VWA5B1: variants seen among roughly 807,000 people sequenced by gnomAD.
The protein encoded by VWA5B1 is von Willebrand factor A domain-containing protein 5B1.
VWA5B1 carries 115 observed loss-of-function variants against 118.2 expected under a neutral mutation model. That is an observed-to-expected ratio of 0.97 (90% CI 0.84 to 1.14). VWA5B1 has a LOEUF of 1.14. Ranked by LOEUF, VWA5B1 falls within the 50% of genes most tolerant of loss-of-function variation. The pLI is 0.00. For synonymous variants in VWA5B1, 682 were observed against 658.4 expected (o/e 1.04, Z -0.55); for missense variants, 1,596 against 1,603.8 (o/e 1.00, Z 0.08).
intron 13 of VWA5B1, among the ~76,000 whole-genome samples, chr1:20,336,937 G>A (rs1245373878): frequency 6.6e-6 from 1 of 152,110 alleles, no homozygotes; most frequent in African/African-American, 2.4e-5. Flanking sequence ...GGAATCCCAG[G>A]AGAAATGAGC....
Position 20,358,473 on chromosome 1 carries a change from CTG to C in VWA5B1, c.*4214_*4215del, listed in dbSNP as rs2090266619. ...AAGGAGGAAAGGGGGTCTCCCCTATCTGTGTACAGTCTGCCCCCCCACCCTGC... is the reference window on the plus strand; with the variant it reads ...AAGGAGGAAAGGGGGTCTCCCCTATCTGTACAGTCTGCCCCCCCACCCTGC... On this transcript the variant is annotated 3_prime_UTR_variant, in exon 22 of 22. Coordinates refer to ENST00000289815, the MANE Select transcript of VWA5B1 (RefSeq NM_001039500.3). Among the ~76,000 whole-genome samples the C allele has an allele frequency of 1.3e-5, 2 of 152,166 alleles. No individual in the cohort carries two copies. Among genetic ancestry groups the C allele is most frequent in the South Asian group, 4.1e-4 (2 of 4,828 alleles).
Position 20,310,745 on chromosome 1 carries a change from G to A in VWA5B1, c.139+5G>A. On this transcript the variant is annotated splice_donor_5th_base_variant and intron_variant, in intron 2 of 21. Transcript: ENST00000289815. ...TGGAAGCCCAGCCCTTCCAGGGTAA[G>A]GACACCTGCTGGGGCCTCCCCGGGA... 3.2e-6 allele frequency: 5 copies of A among 1,540,568 alleles called. No individual in the cohort carries two copies. The highest frequency in any genetic ancestry group is 4.4e-6 in the Non-Finnish European group (5 of 1,142,852).
chr1:20,328,473 T>A (rs1243980762), intron 9 of VWA5B1, among the ~76,000 whole-genome samples: 1 of 151,956 alleles, frequency 6.6e-6, no homozygotes, highest in African/African-American at 2.4e-5. Flanking sequence ...ACAAGAAGGC[T>A]GTGGCCCCAG....
intron 9 of VWA5B1, 68 bp downstream of exon 9, chr1:20,328,068 G>A: frequency 6.8e-7 from 1 of 1,460,514 alleles, no homozygotes; most frequent in East Asian, 2.5e-5. Context: ...AGGAGGGAAA[G>A]GGGAAAAAAT....
chr1:20,350,947 A>C (rs1218806182), intron 20 of VWA5B1, 21 bp downstream of exon 20: 32 of 1,550,454 alleles, frequency 2.1e-5, no homozygotes, highest in Non-Finnish European at 2.7e-5. Context: ...TTTCCAATAA[A>C]GGTACACTCT....
chr1:20,342,524 G>C lies in VWA5B1; in HGVS notation c.2226G>C (p.Gln742His), dbSNP rs1016215723. The C allele has an allele frequency of 1.3e-6, 2 of 1,549,506 alleles. No homozygotes were observed. The change falls in exon 15 of 22, where the codon CAG becomes CAC. Residue 742 changes from glutamine (Q) to histidine (H), a missense_variant. Transcript: ENST00000289815. ...RRPSLLPQGCQPFLPWGQETQ... is the reference protein window; with the variant it reads ...RRPSLLPQGCHPFLPWGQETQ... ...CCTCTCTGCTGCCCCAAGGCTGCCA[G>C]CCCTTCCTGCCCTGGGGCCAGGAGA...
chr1:20,346,885 T>C (rs2090018379), intron 17 of VWA5B1, among the ~76,000 whole-genome samples: 1 of 152,236 alleles, frequency 6.6e-6, no homozygotes, highest in African/African-American at 2.4e-5. Flanking sequence ...CCCCTTTTCT[T>C]ATCTGTGGTA....
At chr1:20,343,735 T>C (rs1398999103) in intron 16 of VWA5B1, among the ~76,000 whole-genome samples, 1 of 44,196 alleles carries the variant, frequency 2.3e-5, no homozygotes, top group Non-Finnish European at 4.1e-5. Flanking sequence ...TCAGCCCACC[T>C]CCTTCCCTGA....
At position 20,351,951 on chromosome 1, in the gene VWA5B1, G is replaced by T. The variant is rs2090138564; in HGVS notation, c.3024-104G>T. The T allele has an allele frequency of 5.0e-6, 4 of 794,088 alleles. No homozygotes were observed. In the South Asian group the frequency reaches 7.5e-5, roughly 15 times the overall value. The allele number at this position is 794,088 out of a possible 1,614,324, so 49.2% of individuals were successfully genotyped here. A position where few individuals can be genotyped will look rare whatever the true frequency, so the allele number is the denominator to read the frequency against. ...TCCTTAGCTATCAGATAAGGAGGCTGGAGGGAGCCATCTATTGCATTCCTT... is the reference window on the plus strand; with the variant it reads ...TCCTTAGCTATCAGATAAGGAGGCTTGAGGGAGCCATCTATTGCATTCCTT... On this transcript the variant is annotated intron_variant, in intron 20 of 21. Transcript: ENST00000289815.
intron 14 of VWA5B1, among the ~76,000 whole-genome samples, chr1:20,340,267 T>G (rs916829931): frequency 2.0e-5 from 3 of 152,188 alleles, no homozygotes; most frequent in Non-Finnish European, 4.4e-5. Flanking sequence ...TAGACTCATC[T>G]GTTGCCATGG....
At chr1:20,320,890 C>G (rs2089189005) in intron 7 of VWA5B1, among the ~76,000 whole-genome samples, 1 of 152,110 alleles carries the variant, frequency 6.6e-6, no homozygotes, top group South Asian at 2.1e-4. Flanking sequence ...ATCAAAAGAG[C>G]CCGTCTGGGC....
intron 1 of VWA5B1, among the ~76,000 whole-genome samples, chr1:20,300,279 C>G (rs763391187): frequency 5.9e-5 from 9 of 152,238 alleles, no homozygotes; most frequent in African/African-American, 1.9e-4. Context: ...TTCAACTGGG[C>G]GGGGTGCATG....
Position 20,336,346 on chromosome 1 carries a change from G to A in VWA5B1, c.1802G>A (p.Gly601Asp). Reference sequence around the variant, plus strand: ...AGCATGCTGCACTCTCAGGAGTCTGGCAGCTCTGTCTTCTACCACTCTCAG... The same window carrying A: ...AGCATGCTGCACTCTCAGGAGTCTGACAGCTCTGTCTTCTACCACTCTCAG... ...RYSMLHSQESGSSVFYHSQDD... is the reference protein window; with the variant it reads ...RYSMLHSQESDSSVFYHSQDD... Residue 601 changes from glycine to aspartate, a missense_variant, in exon 13 of 22, where the codon GGC (glycine) becomes GAC (aspartate). Transcript: ENST00000289815. The A allele has an allele frequency of 6.6e-7, 1 of 1,521,016 alleles. No individual in the cohort carries two copies. Among genetic ancestry groups the A allele is most frequent in the Non-Finnish European group, 8.8e-7 (1 of 1,131,060 alleles). The allele number at this position is 1,521,016 out of a possible 1,614,324, so 94.2% of individuals were successfully genotyped here.
intron 18 of VWA5B1, among the ~76,000 whole-genome samples, chr1:20,349,941 G>A (rs913661372): frequency 2.0e-5 from 3 of 152,082 alleles, no homozygotes; most frequent in South Asian, 2.1e-4. Context: ...TAGTGGTGGC[G>A]GGGGTCAGGA....
In VWA5B1 at chr1:20,357,762, G is replaced by A. The variant is rs1339336101; in HGVS notation, c.*3499G>A. Among the ~76,000 whole-genome samples, 2 of 152,202 alleles carry A rather than the reference G, an allele frequency of 1.3e-5. No individual in the cohort carries two copies. Among genetic ancestry groups the A allele is most frequent in the Non-Finnish European group, 2.9e-5 (2 of 68,034 alleles). On this transcript the variant is annotated 3_prime_UTR_variant, in exon 22 of 22. Transcript: ENST00000289815. ...CCTAGAATGGTCCTGCCATCTGTGG[G>A]TGTGGCCTCGTATTAGCACTACCTA...
At chr1:20,317,474 T>C (rs1229876198) in intron 4 of VWA5B1, 56 bp from the exon 5 acceptor site, 68 of 1,537,556 alleles carry the variant, frequency 4.4e-5, no homozygotes, top group Non-Finnish European at 5.7e-5. Context: ...CTTCTCGCGC[T>C]GGACCCCTTC....
At chr1:20,303,772 C>T (rs978135265) in intron 1 of VWA5B1, among the ~76,000 whole-genome samples, 2 of 152,286 alleles carry the variant, frequency 1.3e-5, no homozygotes, top group African/African-American at 4.8e-5. Flanking sequence ...AGGGCCTTCT[C>T]CTTGACCCCA....
In VWA5B1 at chr1:20,317,729, G is replaced by C. The variant is rs143070134; in HGVS notation, c.709+54G>C. The C allele has an allele frequency of 1.4e-4, 207 of 1,512,204 alleles. No homozygotes were observed. In the East Asian group the frequency reaches 4.3e-3, roughly 32 times the overall value. 93.7% of individuals were successfully genotyped at this position (1,512,204 alleles called of 1,614,324 possible). On this transcript the variant is annotated intron_variant, in intron 5 of 21. Transcript: ENST00000289815. ...GTGAGCTTCAGGCGAAAAGCCAAAG[G>C]CTGCCAGGGATGGGACGGGGGTGGG...
chr1:20,314,707 G>C lies in VWA5B1; in HGVS notation c.563+115G>C. On this transcript the variant is annotated intron_variant, in intron 4 of 21. Transcript: ENST00000289815. ...GACAGGGAGGAGATGGGGAGGCTCTGCTCTACGATTGCCACCCTCTGAGCC... is the reference window on the plus strand; with the variant it reads ...GACAGGGAGGAGATGGGGAGGCTCTCCTCTACGATTGCCACCCTCTGAGCC... 2.7e-6 allele frequency: 4 copies of C among 1,461,878 alleles called. 1 individual carries two copies. In the South Asian group the frequency reaches 5.7e-5, roughly 21 times the overall value. The allele number at this position is 1,461,878 out of a possible 1,614,324, so 90.6% of individuals were successfully genotyped here.
Sources: gnomAD v4.1 joint callset for allele counts (sites outside exome capture counted in the v4.1 genomes callset) on GRCh38, gnomAD v4.1.1 for gene constraint, MANE v1.5 for transcripts, NCBI Gene and HGNC (gene_info 2026-07-23, HGNC 2026-07-21) for gene names.